The following NMNAT2 variants were observed in gnomAD, a reference collection of about 807,000 sequenced individuals.
NMNAT2 encodes the protein nicotinamide nucleotide adenylyltransferase 2.
In NMNAT2, 11 loss-of-function variants were observed where a neutral mutation model predicts 41.6. The ratio of observed to expected loss-of-function variants is 0.26; its 90% CI spans 0.17 to 0.44. The LOEUF (loss-of-function observed/expected upper bound fraction) is 0.44. NMNAT2 is among the 20% of genes least tolerant of loss of function. The pLI, the probability that NMNAT2 is intolerant of heterozygous loss-of-function variation, is 1.00. For synonymous variants in NMNAT2, 148 were observed against 151.2 expected (o/e 0.98, Z 0.16); for missense variants, 288 against 407.7 (o/e 0.71, Z 2.53).
intron 1 of NMNAT2, among the ~76,000 whole-genome samples, chr1:183,312,868 G>A (rs1159236302): frequency 6.6e-6 from 1 of 152,232 alleles, no homozygotes; most frequent in Non-Finnish European, 1.5e-5. Context: ...TGCATGGACA[G>A]GTTCAACTGC....
chr1:183,415,683 A>G (rs1649233136), intron 1 of NMNAT2, among the ~76,000 whole-genome samples: 1 of 152,228 alleles, frequency 6.6e-6, no homozygotes, highest in Non-Finnish European at 1.5e-5. Context: ...TTTTCTTATA[A>G]GGTTTTTAAC....
Position 183,363,751 on chromosome 1 carries a change from G to A in NMNAT2, c.85+54432C>T, listed in dbSNP as rs1663357258. Among the ~76,000 whole-genome samples the A allele has an allele frequency of 2.6e-5, 4 of 152,194 alleles. No individual in the cohort carries two copies. In the South Asian group the frequency reaches 8.3e-4, roughly 32 times the overall value. On this transcript the variant is annotated intron_variant, in intron 1 of 10. Transcript: ENST00000287713. ...AGTACTCTGTAAAATCTGCAATTTTGAATAGTAAGGCTTTAAGAATAGGGT... is the reference window on the plus strand; with the variant it reads ...AGTACTCTGTAAAATCTGCAATTTTAAATAGTAAGGCTTTAAGAATAGGGT...
intron 8 of NMNAT2, among the ~76,000 whole-genome samples, chr1:183,271,110 G>T (rs894949966): frequency 6.6e-6 from 1 of 152,172 alleles, no homozygotes; most frequent in Non-Finnish European, 1.5e-5. Flanking sequence ...TCCCTCAGTG[G>T]CCATCTCTGG....
At chr1:183,324,489 G>T (rs1226760978) in intron 1 of NMNAT2, among the ~76,000 whole-genome samples, 6 of 152,192 alleles carry the variant, frequency 3.9e-5, no homozygotes, top group Non-Finnish European at 8.8e-5. Flanking sequence ...ACTCCGAACT[G>T]CTTATCTTGA....
chr1:183,257,598 CAG>C (rs1334927773), intron 10 of NMNAT2, among the ~76,000 whole-genome samples: 4 of 152,068 alleles, frequency 2.6e-5, no homozygotes, highest in Non-Finnish European at 5.9e-5. Flanking sequence ...TCAATCTTGC[CAG>C]ATTATCTTTT....
intron 1 of NMNAT2, among the ~76,000 whole-genome samples, chr1:183,382,431 A>G (rs1663821988): frequency 6.6e-6 from 1 of 152,180 alleles, no homozygotes. Context: ...TGCAAAATAT[A>G]ATCATCACTT....
chr1:183,342,041 T>TTA lies in NMNAT2; in HGVS notation c.86-48249_86-48248insTA, dbSNP rs1553216857. On this transcript the variant is annotated intron_variant, in intron 1 of 10. Transcript: ENST00000287713. ...CCTCACCTTTTTTTTTTTTTTTTTTTACCAACCCTTTGGCATTGGGGAACC... is the reference window on the plus strand; with the variant it reads ...CCTCACCTTTTTTTTTTTTTTTTTTTTAACCAACCCTTTGGCATTGGGGAACC... 1.4e-3 allele frequency among the ~76,000 whole-genome samples: 181 copies of TTA among 132,584 alleles called. 1 individual carries two copies. Among genetic ancestry groups the TTA allele is most frequent in the African/African-American group, 4.7e-3 (176 of 37,538 alleles). The allele number at this position is 132,584 out of a possible 152,430, so 87.0% of individuals were successfully genotyped here.
At chr1:183,387,389 G>A (rs952867183) in intron 1 of NMNAT2, among the ~76,000 whole-genome samples, 4 of 152,128 alleles carry the variant, frequency 2.6e-5, no homozygotes, top group Non-Finnish European at 4.4e-5. Flanking sequence ...GAAAATTACG[G>A]TAGTTTTGGG....
chr1:183,260,645 C>T (rs1660632522), intron 10 of NMNAT2, among the ~76,000 whole-genome samples: 1 of 151,860 alleles, frequency 6.6e-6, no homozygotes, highest in African/African-American at 2.4e-5. Flanking sequence ...TGGTGAAATC[C>T]CCATCTCTAC....
chr1:183,379,334 T>C (rs899927637), intron 1 of NMNAT2, among the ~76,000 whole-genome samples: 4 of 151,960 alleles, frequency 2.6e-5, no homozygotes, highest in Non-Finnish European at 4.4e-5. Context: ...GTGTGAGCCA[T>C]CTTGCCCATC....
At chr1:183,375,336 C>G (rs1288767450) in intron 1 of NMNAT2, among the ~76,000 whole-genome samples, 3 of 152,186 alleles carry the variant, frequency 2.0e-5, no homozygotes, top group African/African-American at 7.2e-5. Flanking sequence ...TTGGCTCTGG[C>G]CAGCCTCTTC....
intron 8 of NMNAT2, among the ~76,000 whole-genome samples, chr1:183,273,271 A>C (rs574904908): frequency 6.6e-6 from 1 of 152,334 alleles, no homozygotes; most frequent in South Asian, 2.1e-4. Flanking sequence ...TTCATTGCTC[A>C]ATTAAACTCT....
intron 1 of NMNAT2, among the ~76,000 whole-genome samples, chr1:183,406,959 C>T (rs1648973709): frequency 6.6e-6 from 1 of 151,878 alleles, no homozygotes; most frequent in Non-Finnish European, 1.5e-5. Context: ...GCTGGGATTA[C>T]AAGCACATGC....
intron 1 of NMNAT2, among the ~76,000 whole-genome samples, chr1:183,297,555 TATTTTTAGTAGA>T (rs1661736333): frequency 6.6e-6 from 1 of 152,166 alleles, no homozygotes; most frequent in East Asian, 1.9e-4. Flanking sequence ...GCTAATTTTG[TATTTTTAGTAGA>T]GACGAGGTTT....
chr1:183,259,800 C>T (rs912347588), intron 10 of NMNAT2, among the ~76,000 whole-genome samples: 12 of 152,080 alleles, frequency 7.9e-5, no homozygotes, highest in Admixed American at 7.2e-4. Flanking sequence ...GGGGTTTCAC[C>T]GTGTTAGCCA....
chr1:183,302,914 A>T (rs1459522882), intron 1 of NMNAT2, among the ~76,000 whole-genome samples: 2 of 151,848 alleles, frequency 1.3e-5, no homozygotes, highest in Non-Finnish European at 2.9e-5. Flanking sequence ...GCCCCCTATG[A>T]CTCAGTGTGC....
chr1:183,383,867 T>G (rs1023542006), intron 1 of NMNAT2, among the ~76,000 whole-genome samples: 1 of 152,220 alleles, frequency 6.6e-6, no homozygotes, highest in Admixed American at 6.5e-5. Context: ...TCCCTCATCT[T>G]CCTGCCTTCT....
intron 1 of NMNAT2, among the ~76,000 whole-genome samples, chr1:183,398,824 T>A (rs1188794360): frequency 1.3e-5 from 2 of 152,000 alleles, no homozygotes; most frequent in African/African-American, 2.4e-5. Flanking sequence ...GGGTACATAA[T>A]AAAATGAAGG....
chr1:183,402,697 T>G (rs980890018), intron 1 of NMNAT2, among the ~76,000 whole-genome samples: 1 of 152,112 alleles, frequency 6.6e-6, no homozygotes, highest in African/African-American at 2.4e-5. Flanking sequence ...CAAAAAAAAT[T>G]TTCAGGATGT....
Sources: allele counts gnomAD v4.1 joint callset (sites outside exome capture counted in the v4.1 genomes callset), GRCh38; gene constraint gnomAD v4.1.1; transcripts MANE v1.5; gene names NCBI Gene and HGNC (gene_info 2026-07-23, HGNC 2026-07-21).